SCGB2B2: variants seen among roughly 807,000 people sequenced by gnomAD.
SCGB2B2 encodes secretoglobin-like protein.
A neutral mutation model predicts 7.6 loss-of-function variants in SCGB2B2; 11 were observed. The observed-to-expected ratio is 1.45, with a 90% confidence interval of 0.91 to 2.40. The LOEUF is 2.40. Ranked by LOEUF, SCGB2B2 falls within the 30% of genes most tolerant of loss-of-function variation. The pLI is 0.00. For missense variants in SCGB2B2, 104 were observed against 115.4 expected (o/e 0.90, Z 0.45); for synonymous variants, 50 against 48.6 (o/e 1.03, Z -0.12).
intron 1 of SCGB2B2, among the ~76,000 whole-genome samples, chr19:34,641,331 A>G (rs914354089): frequency 6.6e-6 from 1 of 152,208 alleles, no homozygotes; most frequent in Non-Finnish European, 1.5e-5. Context: ...TAGATCAGCA[A>G]GAATACAATT....
intron 1 of SCGB2B2, among the ~76,000 whole-genome samples, chr19:34,607,419 C>A (rs1352652314): frequency 6.6e-6 from 1 of 152,124 alleles, no homozygotes; most frequent in Non-Finnish European, 1.5e-5. Context: ...CTTCAATGAA[C>A]CTAGGGGTGC....
At chr19:34,671,669 G>A in intron 1 of SCGB2B2, among the ~76,000 whole-genome samples, 1 of 151,974 alleles carries the variant, frequency 6.6e-6, no homozygotes, top group Non-Finnish European at 1.5e-5. Flanking sequence ...ATCTTTTGTA[G>A]TTTTCAATGT....
chr19:34,625,264 T>A (rs758944008), intron 1 of SCGB2B2, among the ~76,000 whole-genome samples: 1 of 152,046 alleles, frequency 6.6e-6, no homozygotes, highest in African/African-American at 2.4e-5. Flanking sequence ...GAGTGTTGGA[T>A]AGTGGGTGCA....
At chr19:34,602,783 G>T (rs916202284) in intron 1 of SCGB2B2, among the ~76,000 whole-genome samples, 2 of 152,034 alleles carry the variant, frequency 1.3e-5, no homozygotes, top group African/African-American at 4.8e-5. Context: ...TTTCGCTTTT[G>T]CTAGCCTTGG....
At chr19:34,617,098 T>C (rs1180123372) in intron 1 of SCGB2B2, among the ~76,000 whole-genome samples, 1 of 152,250 alleles carries the variant, frequency 6.6e-6, no homozygotes, top group African/African-American at 2.4e-5. Context: ...CCTTGCAGTA[T>C]AGTTTGAAGT....
intron 1 of SCGB2B2, among the ~76,000 whole-genome samples, chr19:34,613,414 T>A (rs561543267): frequency 3.0e-4 from 46 of 152,320 alleles, no homozygotes; most frequent in Non-Finnish European, 1.3e-4. Context: ...CTCTTCATTT[T>A]CAATTGGTAT....
At chr19:34,627,978 C>T (rs142042353) in intron 1 of SCGB2B2, among the ~76,000 whole-genome samples, 51 of 152,222 alleles carry the variant, frequency 3.4e-4, no homozygotes, top group African/African-American at 1.1e-3. Context: ...CACTTAAAAC[C>T]GCTCAACTAC....
At chr19:34,660,090 G>A (rs1040434422) in intron 1 of SCGB2B2, among the ~76,000 whole-genome samples, 2 of 152,166 alleles carry the variant, frequency 1.3e-5, no homozygotes, top group African/African-American at 4.8e-5. Flanking sequence ...TATGTAGAAA[G>A]CTCAAACTGG....
intron 1 of SCGB2B2, among the ~76,000 whole-genome samples, chr19:34,625,279 A>C (rs1015989995): frequency 7.2e-5 from 11 of 152,194 alleles, no homozygotes; most frequent in African/African-American, 2.7e-4. Flanking sequence ...GGTGCAGGAC[A>C]GTGGGTGCAG....
chr19:34,665,494 C>T (rs1193363541), intron 1 of SCGB2B2, among the ~76,000 whole-genome samples: 1 of 152,198 alleles, frequency 6.6e-6, no homozygotes, highest in African/African-American at 2.4e-5. Flanking sequence ...TGCAAGCTTG[C>T]CCTGGCCCTG....
At chr19:34,663,999 C>T (rs1193965393) in intron 1 of SCGB2B2, among the ~76,000 whole-genome samples, 1 of 139,306 alleles carries the variant, frequency 7.2e-6, no homozygotes, top group Non-Finnish European at 1.5e-5. Flanking sequence ...CCATGGGACA[C>T]CTCTGCTAAG....
At chr19:34,635,532 A>G in intron 1 of SCGB2B2, 1 of 271,122 alleles carries the variant, frequency 3.7e-6, no homozygotes, top group Admixed American at 4.0e-5. Context: ...CTTTAAACCC[A>G]TGTGAACTCT....
At chr19:34,616,266 T>C (rs937403364) in intron 1 of SCGB2B2, among the ~76,000 whole-genome samples, 1 of 149,368 alleles carries the variant, frequency 6.7e-6, no homozygotes, top group Non-Finnish European at 1.5e-5. Context: ...ATGGCCACAC[T>C]GACTTACACA....
At chr19:34,628,821 A>C (rs1358788617) in intron 1 of SCGB2B2, among the ~76,000 whole-genome samples, 2 of 151,836 alleles carry the variant, frequency 1.3e-5, no homozygotes, top group Non-Finnish European at 2.9e-5. Context: ...CAACAAAAAA[A>C]AGAATTTTAG....
chr19:34,604,658 C>A (rs1354866882), intron 1 of SCGB2B2, among the ~76,000 whole-genome samples: 1 of 152,138 alleles, frequency 6.6e-6, no homozygotes, highest in Non-Finnish European at 1.5e-5. Flanking sequence ...ATGAAAATTG[C>A]ATTGAGATCA....
At chr19:34,662,089 C>T (rs2067473458) in intron 1 of SCGB2B2, among the ~76,000 whole-genome samples, 1 of 151,984 alleles carries the variant, frequency 6.6e-6, no homozygotes. Flanking sequence ...ACCATGTTGG[C>T]CAGAATGGTC....
At chr19:34,672,367 CTT>C (rs2067825288) in intron 1 of SCGB2B2, among the ~76,000 whole-genome samples, 1 of 151,838 alleles carries the variant, frequency 6.6e-6, no homozygotes, top group Non-Finnish European at 1.5e-5. Context: ...CTATTTCCTT[CTT>C]GTTTTGAGTT....
At chr19:34,637,572 C>T (rs950805494) in intron 1 of SCGB2B2, 4 of 186,592 alleles carry the variant, frequency 2.1e-5, no homozygotes, top group African/African-American at 9.5e-5. Flanking sequence ...AAAAGTGCTA[C>T]ACTCCACAAC....
In SCGB2B2 at chr19:34,644,362, G is replaced by GTT. The variant is rs75799133; in HGVS notation, c.-2032+31266_-2032+31267dup. ...GCCTTGTTTTTTTGTTTTTTTTTTTGTTTTTTTTTTTTTACTCTGGTAAAA... is the reference window on the plus strand; with the variant it reads ...GCCTTGTTTTTTTGTTTTTTTTTTTGTTTTTTTTTTTTTTTACTCTGGTAAAA... On this transcript the variant is annotated intron_variant, in intron 1 of 3. Transcript: ENST00000601241. Among the ~76,000 whole-genome samples the GTT allele has an allele frequency of 7.3e-3, 978 of 134,272 alleles. 6 individuals carry two copies. The highest frequency in any genetic ancestry group is 0.019 in the Middle Eastern group (5 of 258). The allele number at this position is 134,272 out of a possible 152,430, so 88.1% of individuals were successfully genotyped here. A position where few individuals can be genotyped will look rare whatever the true frequency, so the allele number is the denominator to read the frequency against.
Sources: allele counts gnomAD v4.1 joint callset (sites outside exome capture counted in the v4.1 genomes callset), GRCh38; gene constraint gnomAD v4.1.1; transcripts MANE v1.5; gene names NCBI Gene and HGNC (gene_info 2026-07-23, HGNC 2026-07-21).